TRAPPC10: variants seen among roughly 807,000 people sequenced by gnomAD.
TRAPPC10 encodes the protein TRAPP 130 kDa subunit.
A neutral mutation model predicts 125.5 loss-of-function variants in TRAPPC10; 23 were observed. The ratio of observed to expected loss-of-function variants is 0.18; its 90% confidence interval spans 0.13 to 0.26. The LOEUF (loss-of-function observed/expected upper bound fraction) is 0.26. TRAPPC10 is among the 10% of genes least tolerant of loss of function. The pLI is 1.00. For missense variants in TRAPPC10, 1,123 were observed against 1,308.4 expected (o/e 0.86, Z 2.19); for synonymous variants, 509 against 518.0 (o/e 0.98, Z 0.24).
chr21:44,082,726 G>C lies in TRAPPC10; in HGVS notation c.1724-62G>C. 6.3e-7 allele frequency: 1 copy of C among 1,582,260 alleles called. No homozygotes were observed. Among genetic ancestry groups the C allele is most frequent in the Non-Finnish European group, 8.6e-7 (1 of 1,159,370 alleles). ...GGTGATCTTACTGTGTCCGCGGCCT[G>C]CTGCTGCTTACTGTCAGGAAGTGTG... On this transcript the variant is annotated intron_variant, in intron 13 of 22. Coordinates refer to ENST00000291574, the MANE Select transcript of TRAPPC10 (RefSeq NM_003274.5). The surrounding 1 kb of genome is among the most constrained non-coding windows in gnomAD (Gnocchi z 4.4).
At chr21:44,073,917 T>G (rs116883532) in intron 7 of TRAPPC10, among the ~76,000 whole-genome samples, 1 of 152,318 alleles carries the variant, frequency 6.6e-6, no homozygotes, top group Non-Finnish European at 1.5e-5. Flanking sequence ...GACACTAATC[T>G]GTGGCCAATC....
Position 44,063,044 on chromosome 21 carries a change from T to C in TRAPPC10, c.791-494T>C, listed in dbSNP as rs1168218843. 4.6e-6 allele frequency: 6 copies of C among 1,304,294 alleles called. No individual in the cohort carries two copies. In the African/African-American group the frequency reaches 6.1e-5, roughly 13 times the overall value. The allele number at this position is 1,304,294 out of a possible 1,614,324, so 80.8% of individuals were successfully genotyped here. ...GCTGCTACCAAGTCCTCCCTGTCCC[T>C]TCCTCCAGGAGCTTGACTCAGGGAC... is the stretch of plus-strand genomic sequence containing the variant. On this transcript the variant is annotated intron_variant, in intron 6 of 22. Coordinates refer to ENST00000291574, the MANE Select transcript of TRAPPC10 (RefSeq NM_003274.5). This position sits in a 1 kb window ranked among gnomAD's most constrained non-coding sequence, Gnocchi z 4.4.
chr21:44,012,769 T>G (rs1361613798), intron 1 of TRAPPC10, among the ~76,000 whole-genome samples: 1 of 151,670 alleles, frequency 6.6e-6, no homozygotes, highest in Non-Finnish European at 1.5e-5. Context: ...CTCTGACCCC[T>G]GGGGGGCGCC....
At chr21:44,045,816 A>ACC (rs1208070901) in intron 3 of TRAPPC10, among the ~76,000 whole-genome samples, 4 of 152,130 alleles carry the variant, frequency 2.6e-5, no homozygotes, top group Non-Finnish European at 5.9e-5. Flanking sequence ...TCGGCCTCCC[A>ACC]AAGTGCTGGG....
chr21:44,078,919 C>T (rs1032546598), intron 11 of TRAPPC10, among the ~76,000 whole-genome samples: 7 of 152,132 alleles, frequency 4.6e-5, no homozygotes, highest in Non-Finnish European at 1.0e-4. Flanking sequence ...GTATTCCAGC[C>T]TGAGTGACAG....
At chr21:44,051,853 G>A (rs1452339472) in intron 3 of TRAPPC10, among the ~76,000 whole-genome samples, 2 of 152,240 alleles carry the variant, frequency 1.3e-5, no homozygotes, top group African/African-American at 4.8e-5. Context: ...TGCCATGACA[G>A]CCAGCTTGCC....
intron 5 of TRAPPC10, 139 bp from the exon 6 acceptor site, chr21:44,058,964 A>T: frequency 1.7e-6 from 1 of 585,892 alleles, no homozygotes. Context: ...CGGTCGTCAC[A>T]TTGGTTGTTA....
At chr21:44,052,841 T>G (rs1244948005) in intron 4 of TRAPPC10, among the ~76,000 whole-genome samples, 2 of 152,046 alleles carry the variant, frequency 1.3e-5, no homozygotes, top group Non-Finnish European at 2.9e-5. Flanking sequence ...TTTCTTTACC[T>G]TAACACCTGA....
intron 4 of TRAPPC10, 44 bp downstream of exon 4, chr21:44,052,520 A>G (rs532337859): frequency 3.3e-6 from 5 of 1,525,310 alleles, no homozygotes; most frequent in African/African-American, 2.8e-5. Context: ...AATACTTGAC[A>G]TGATACAGAT....
chr21:44,031,530 C>G (rs988729778), intron 1 of TRAPPC10, among the ~76,000 whole-genome samples: 1 of 152,196 alleles, frequency 6.6e-6, no homozygotes, highest in African/African-American at 2.4e-5. Flanking sequence ...GCTGACTTTC[C>G]TCATCTGTGA....
chr21:44,026,219 C>G (rs2033055564), intron 1 of TRAPPC10, among the ~76,000 whole-genome samples: 1 of 152,014 alleles, frequency 6.6e-6, no homozygotes, highest in Non-Finnish European at 1.5e-5. Context: ...TGCCCCCACC[C>G]CCGACTGCGA....
intron 1 of TRAPPC10, among the ~76,000 whole-genome samples, chr21:44,014,913 T>C (rs2031646132): frequency 6.6e-6 from 1 of 152,206 alleles, no homozygotes; most frequent in Non-Finnish European, 1.5e-5. Context: ...TGAAATTATG[T>C]TGTGGTATAT....
At chr21:44,044,660 C>CTTTTTTTTTTTT (rs34356064) in intron 3 of TRAPPC10, among the ~76,000 whole-genome samples, 1 of 86,330 alleles carries the variant, frequency 1.2e-5, no homozygotes. Flanking sequence ...AAAATCATGT[C>CTTTTTTTTTTTT]TTTTTTTTTT....
At chr21:44,061,025 C>G (rs924139092) in intron 6 of TRAPPC10, among the ~76,000 whole-genome samples, 3 of 151,984 alleles carry the variant, frequency 2.0e-5, no homozygotes, top group Non-Finnish European at 4.4e-5. Context: ...GCAACCTTCT[C>G]CTCCTGATTT....
rs780700927 is a variant in TRAPPC10 at position 44,092,067 on chromosome 21, C to G, written c.2997+18C>G. ...CCCAGCAGGTAAACATTGTGTAGAC[C>G]TGAGCATAAACTTCTCAACAGAGAA... On this transcript the variant is annotated intron_variant, in intron 19 of 22. Transcript: ENST00000291574. 8 of 1,612,766 alleles carry G rather than the reference C, an allele frequency of 5.0e-6. 1 individual carries two copies. The South Asian group carries it at 7.7e-5, about 16-fold the overall frequency.
chr21:44,049,298 T>C (rs1272751130), intron 3 of TRAPPC10, among the ~76,000 whole-genome samples: 1 of 152,168 alleles, frequency 6.6e-6, no homozygotes, highest in Non-Finnish European at 1.5e-5. Flanking sequence ...TTTCCTCCCT[T>C]CTATGTTTGT....
rs375226416 is a variant in TRAPPC10, at chr21:44,077,721, A to G, written c.1406A>G (p.Tyr469Cys). The G allele has an allele frequency of 1.9e-6, 3 of 1,610,222 alleles. No individual in the cohort carries two copies. The African/African-American group carries it at 4.0e-5, about 21-fold the overall frequency. Residue 469 changes from tyrosine (Y) to cysteine (C), a missense_variant, in exon 11 of 23, where the codon TAT (tyrosine) becomes TGT (cysteine). Physicochemically the swap from Tyr to Cys is radical, Grantham distance 194. Transcript: ENST00000291574. ...LDLSHATIEMYTSIGRIRSAK... is the reference protein window; with the variant it reads ...LDLSHATIEMCTSIGRIRSAK... ...TTGTCCCATGCCACCATTGAAATGTATACAAGCATTGGGAGGATTCGATCT... is the reference window on the plus strand; with the variant it reads ...TTGTCCCATGCCACCATTGAAATGTGTACAAGCATTGGGAGGATTCGATCT...
chr21:44,075,219 T>G, intron 9 of TRAPPC10, 66 bp downstream of exon 9: 1 of 1,246,970 alleles, frequency 8.0e-7, no homozygotes, highest in Non-Finnish European at 1.2e-6. Flanking sequence ...CTTTGCAAGT[T>G]GGCACATTTA....
intron 2 of TRAPPC10, among the ~76,000 whole-genome samples, chr21:44,035,419 A>ATG (rs367788923): frequency 2.0e-5 from 3 of 151,996 alleles, no homozygotes; most frequent in African/African-American, 4.8e-5. Context: ...CAAGACATGG[A>ATG]TGTGTGTGTG....
Sources: gnomAD v4.1 joint callset for allele counts (sites outside exome capture counted in the v4.1 genomes callset) on GRCh38, gnomAD v4.1.1 for gene constraint, Gnocchi (gnomAD v3.1) non-coding constraint, MANE v1.5 for transcripts, NCBI Gene and HGNC (gene_info 2026-07-23, HGNC 2026-07-21) for gene names.